RAPGEF2: variants seen among roughly 807,000 people sequenced by gnomAD.
RAPGEF2 encodes PDZ domain containing guanine nucleotide exchange factor (GEF) 1.
RAPGEF2 carries 54 observed loss-of-function variants against 186.7 expected under a neutral mutation model. That is an observed-to-expected ratio of 0.29 (90% confidence interval 0.23 to 0.36). The LOEUF is 0.36. RAPGEF2 is among the 10% of genes least tolerant of loss of function. RAPGEF2 has a pLI of 1.00. For synonymous variants in RAPGEF2, 712 were observed against 705.9 expected (o/e 1.01, Z -0.14); for missense variants, 1,532 against 2,045.0 (o/e 0.75, Z 4.84).
At chr4:159,358,063 A>C (rs1192447838) in intron 29 of RAPGEF2, 51 bp from the exon 30 acceptor site, 8 of 1,577,120 alleles carry the variant, frequency 5.1e-6, no homozygotes, top group Non-Finnish European at 7.0e-6. Context: ...ATAGCACAAG[A>C]AATTACTTGC....
At chr4:159,300,239 T>G (rs1260030431) in intron 7 of RAPGEF2, among the ~76,000 whole-genome samples, 1 of 151,710 alleles carries the variant, frequency 6.6e-6, no homozygotes, top group Non-Finnish European at 1.5e-5. Context: ...TAATATAATC[T>G]GATTTAAGTC....
intron 1 of RAPGEF2, among the ~76,000 whole-genome samples, chr4:159,126,486 A>T (rs1182338422): frequency 6.6e-6 from 1 of 151,656 alleles, no homozygotes; most frequent in African/African-American, 2.4e-5. Context: ...AAGTGAAGTA[A>T]TTTTGATTGT....
intron 1 of RAPGEF2, among the ~76,000 whole-genome samples, chr4:159,135,986 G>C (rs917730611): frequency 2.0e-5 from 3 of 152,156 alleles, no homozygotes; most frequent in Non-Finnish European, 2.9e-5. Flanking sequence ...CTGACACTCA[G>C]ATTCTCCTGC....
At chr4:159,321,291 C>T (rs1765203977) in intron 9 of RAPGEF2, among the ~76,000 whole-genome samples, 1 of 151,476 alleles carries the variant, frequency 6.6e-6, no homozygotes, top group Non-Finnish European at 1.5e-5. Flanking sequence ...ATTATAACCT[C>T]AAACTCTTGG....
At chr4:159,167,414 A>C (rs1240014905) in intron 1 of RAPGEF2, among the ~76,000 whole-genome samples, 2 of 152,190 alleles carry the variant, frequency 1.3e-5, no homozygotes, top group African/African-American at 4.8e-5. Context: ...AATAGATGCG[A>C]TATCTTAGGG....
intron 7 of RAPGEF2, among the ~76,000 whole-genome samples, chr4:159,269,130 G>A (rs1037421257): frequency 3.9e-5 from 6 of 152,078 alleles, no homozygotes; most frequent in Non-Finnish European, 5.9e-5. Context: ...GAAATAAGTC[G>A]CTGAGGCTTT....
At chr4:159,266,822 AT>A (rs1757492002) in intron 7 of RAPGEF2, 2 of 161,118 alleles carry the variant, frequency 1.2e-5, no homozygotes, top group Admixed American at 1.2e-4. Context: ...AAAAAATCAT[AT>A]TTTAGTTCAA....
chr4:159,241,128 T>C, intron 5 of RAPGEF2, 73 bp from the exon 6 acceptor site: 1 of 1,216,450 alleles, frequency 8.2e-7, no homozygotes, highest in Non-Finnish European at 1.1e-6. Flanking sequence ...TATCTGTAAG[T>C]TTCTTTCTGT....
At chr4:159,245,244 T>C (rs1754491244) in intron 7 of RAPGEF2, among the ~76,000 whole-genome samples, 1 of 152,096 alleles carries the variant, frequency 6.6e-6, no homozygotes, top group Admixed American at 6.5e-5. Context: ...TTTCAGGACA[T>C]TTTTCAAGGC....
rs768221347 is a variant in RAPGEF2, at chr4:159,346,941, G to A, written c.3655G>A (p.Ala1219Thr). Reference sequence around the variant, plus strand: ...AATCAACCAGGGACTACAGGTTCCCGCCGTGTCCCTTTATCCTTCACGGAA... The same window carrying A: ...AATCAACCAGGGACTACAGGTTCCCACCGTGTCCCTTTATCCTTCACGGAA... ...HKINQGLQVPAVSLYPSRKKV... is the reference protein window; with the variant it reads ...HKINQGLQVPTVSLYPSRKKV... The change falls in exon 25 of 30, where the codon GCC (alanine) becomes ACC (threonine). Residue 1219 changes from alanine (A) to threonine (T), a missense_variant. By Grantham distance (58) the Ala-to-Thr change is moderately conservative. Around this residue, in one of 4 missense-constraint regions of RAPGEF2, gnomAD observed 594 missense variants for 608.5 expected, o/e 0.98. Coordinates refer to ENST00000691494, the MANE Select transcript of RAPGEF2 (RefSeq NM_001394067.2). The A allele has an allele frequency of 5.6e-6, 9 of 1,614,082 alleles. No homozygotes were observed. The highest frequency in any genetic ancestry group is 3.3e-5 in the South Asian group (3 of 91,084).
chr4:159,104,174 C>T lies in RAPGEF2; in HGVS notation c.12C>T (p.Tyr4=). ...CTCCCAGAGGGGAGATGGCGTCCTA[C>T]GTAGATAACAGCTTCCGCCAGGCGG... is the stretch of plus-strand genomic sequence containing the variant. The part of the protein sequence containing the change: MAS[Y]VDNSFRQAVM... Residue 4 remains tyrosine, a synonymous_variant, in exon 1 of 30, where the codon TAC becomes TAT. Transcript: ENST00000691494. 2 of 1,528,934 alleles carry T rather than the reference C, an allele frequency of 1.3e-6. No individual in the cohort carries two copies. The highest frequency in any genetic ancestry group is 1.8e-6 in the Non-Finnish European group (2 of 1,142,832). The allele number at this position is 1,528,934 out of a possible 1,614,324, so 94.7% of individuals were successfully genotyped here. A position where few individuals can be genotyped will look rare whatever the true frequency, so the allele number is the denominator to read the frequency against.
rs1385915754 is a variant in RAPGEF2, at chr4:159,359,341, G to A, written c.*1202G>A. The A allele has an allele frequency of 6.6e-6, 1 of 152,154 alleles. No homozygotes were observed. The highest frequency in any genetic ancestry group is 2.4e-5 in the African/African-American group (1 of 41,430). 9.4% of individuals were successfully genotyped at this position (152,154 alleles called of 1,614,324 possible). On this transcript the variant is annotated 3_prime_UTR_variant, in exon 30 of 30. Coordinates refer to ENST00000691494, the MANE Select transcript of RAPGEF2 (RefSeq NM_001394067.2). ...ATCAAAAACCTGGTTAGACATGCCA[G>A]CCTTTGCAAGGCAGGTTAGTCACCA...
chr4:159,341,976 C>A, intron 20 of RAPGEF2, 29 bp downstream of exon 20: 1 of 1,539,970 alleles, frequency 6.5e-7, no homozygotes, highest in South Asian at 1.3e-5. Flanking sequence ...TCTTAAGATT[C>A]AGTTCAGTTC....
At chr4:159,357,489 A>T (rs6816166) in intron 29 of RAPGEF2, among the ~76,000 whole-genome samples, 91,724 of 152,126 alleles carry the variant, frequency 0.6, 28,725 homozygotes, top group African/African-American at 0.73. Context: ...AGGAAGGAGA[A>T]CATGGCCTCC....
rs370232154 is a variant in RAPGEF2, at chr4:159,276,602, T to A, written c.544-27740T>A. On this transcript the variant is annotated intron_variant, in intron 7 of 29. Coordinates refer to ENST00000691494, the MANE Select transcript of RAPGEF2 (RefSeq NM_001394067.2). ...CAAATAAAATTTGAAATAGCTTAGC[T>A]AAAGAAAATATAAACACAGGTGACA... 3.9e-5 allele frequency among the ~76,000 whole-genome samples: 6 copies of A among 152,196 alleles called. No homozygotes were observed. The East Asian group carries it at 9.6e-4, about 24-fold the overall frequency.
chr4:159,306,111 G>C (rs950165370), intron 8 of RAPGEF2, among the ~76,000 whole-genome samples: 1 of 151,006 alleles, frequency 6.6e-6, no homozygotes, highest in Non-Finnish European at 1.5e-5. Flanking sequence ...CACTATTCAG[G>C]CTCTTTTGTG....
intron 8 of RAPGEF2, among the ~76,000 whole-genome samples, chr4:159,311,185 G>A (rs1458131111): frequency 6.6e-6 from 1 of 152,074 alleles, no homozygotes; most frequent in East Asian, 1.9e-4. Context: ...GAATTGATAT[G>A]AAGATTATTA....
intron 4 of RAPGEF2, among the ~76,000 whole-genome samples, chr4:159,213,963 T>C (rs1457985413): frequency 6.6e-6 from 1 of 152,250 alleles, no homozygotes; most frequent in Non-Finnish European, 1.5e-5. Flanking sequence ...TTGTTACATA[T>C]ATTGTTGCCT....
At chr4:159,198,829 A>G (rs191668600) in intron 3 of RAPGEF2, among the ~76,000 whole-genome samples, 5 of 152,158 alleles carry the variant, frequency 3.3e-5, no homozygotes, top group Non-Finnish European at 7.4e-5. Flanking sequence ...GTGTGTACAT[A>G]AAGAAAATGG....
Sources: allele counts gnomAD v4.1 joint callset (sites outside exome capture counted in the v4.1 genomes callset), GRCh38; gene constraint gnomAD v4.1.1; regional missense constraint gnomAD v4.1.1; transcripts MANE v1.5; gene names NCBI Gene and HGNC (gene_info 2026-07-23, HGNC 2026-07-21).